EVC2: variants seen among roughly 807,000 people sequenced by gnomAD.
EVC2 encodes the protein EvC ciliary complex subunit 2.
In EVC2, 148 loss-of-function variants were observed where a neutral mutation model predicts 149.3. The observed-to-expected ratio is 0.99, with a 90% CI of 0.87 to 1.14. The LOEUF (loss-of-function observed/expected upper bound fraction) is 1.14. Ranked by LOEUF, EVC2 falls within the 50% of genes most tolerant of loss-of-function variation. The pLI, the probability that EVC2 is intolerant of heterozygous loss-of-function variation, is 0.00. For missense variants in EVC2, 1,854 were observed against 1,627.3 expected (o/e 1.14, Z -2.40); for synonymous variants, 776 against 649.9 (o/e 1.19, Z -2.95).
Position 5,708,547 on chromosome 4 carries a change from G to A in EVC2, c.-34C>T, listed in dbSNP as rs1200506993. The A allele has an allele frequency of 2.2e-6, 3 of 1,371,900 alleles. No individual in the cohort carries two copies. The highest frequency in any genetic ancestry group is 2.8e-6 in the Non-Finnish European group (3 of 1,058,190). 85.0% of individuals were successfully genotyped at this position (1,371,900 alleles called of 1,614,324 possible). A position where few individuals can be genotyped will look rare whatever the true frequency, so the allele number is the denominator to read the frequency against. ...GGGACCCGCTACCTCAAAGCGGCGG[G>A]TGCCGCCGAGTCGCTGGAGCTTCCG... On this transcript the variant is annotated 5_prime_UTR_variant, in exon 1 of 22. Coordinates refer to ENST00000344408, the MANE Select transcript of EVC2 (RefSeq NM_147127.5).
At chr4:5,642,710 C>T (rs1024826278) in intron 9 of EVC2, among the ~76,000 whole-genome samples, 1 of 152,216 alleles carries the variant, frequency 6.6e-6, no homozygotes, top group South Asian at 2.1e-4. Flanking sequence ...AGCCATACAC[C>T]AGGATCCTCA....
Position 5,613,627 on chromosome 4 carries a change from G to A in EVC2, c.2829+1795C>T, listed in dbSNP as rs1715019593. Reference sequence around the variant, plus strand: ...TGCTCTGCTTCCCTAGGGGTAGGCTGCCCCCCACAAGGAACCCCCTAGTGA... The same window carrying A: ...TGCTCTGCTTCCCTAGGGGTAGGCTACCCCCCACAAGGAACCCCCTAGTGA... On this transcript the variant is annotated intron_variant, in intron 16 of 21. Coordinates refer to ENST00000344408, the MANE Select transcript of EVC2 (RefSeq NM_147127.5). The surrounding 1 kb of genome is among the most constrained non-coding windows in gnomAD (Gnocchi z 4.6). 1.3e-5 allele frequency among the ~76,000 whole-genome samples: 2 copies of A among 152,020 alleles called. No individual in the cohort carries two copies. Among genetic ancestry groups the A allele is most frequent in the African/African-American group, 4.8e-5 (2 of 41,340 alleles).
At chr4:5,551,623 CTTTGGGGGACT>C (rs1437478322) in intron 21 of EVC2, among the ~76,000 whole-genome samples, 1 of 152,072 alleles carries the variant, frequency 6.6e-6, no homozygotes, top group Admixed American at 6.5e-5. Context: ...TGAGTTAAGA[CTTTGGGGGACT>C]TTTGGGAAGG....
intron 10 of EVC2, among the ~76,000 whole-genome samples, chr4:5,635,238 T>G (rs1716819147): frequency 6.6e-6 from 1 of 151,934 alleles, no homozygotes; most frequent in South Asian, 2.1e-4. Context: ...GATTTCACCA[T>G]GTTGGCCAGG....
chr4:5,542,955 G>T, intron 22 of EVC2: 2 of 373,232 alleles, frequency 5.4e-6, no homozygotes, highest in South Asian at 2.1e-5. Context: ...TCTCTGCCCT[G>T]CAATGTAAAC....
intron 21 of EVC2, among the ~76,000 whole-genome samples, chr4:5,554,043 A>G (rs1721787660): frequency 6.6e-6 from 1 of 152,224 alleles, no homozygotes; most frequent in African/African-American, 2.4e-5. Flanking sequence ...AAAAATAGGA[A>G]CATGACAGTG....
chr4:5,680,033 A>G (rs1720237794), intron 7 of EVC2, among the ~76,000 whole-genome samples: 1 of 152,178 alleles, frequency 6.6e-6, no homozygotes, highest in South Asian at 2.1e-4. Flanking sequence ...CATCAGGATC[A>G]TCAATATCAC....
chr4:5,587,780 G>A (rs1712424682), intron 16 of EVC2, among the ~76,000 whole-genome samples: 1 of 152,128 alleles, frequency 6.6e-6, no homozygotes, highest in South Asian at 2.1e-4. Flanking sequence ...TACGTGACTG[G>A]GGGCTGCATA....
At chr4:5,553,749 C>G (rs1356652703) in intron 21 of EVC2, among the ~76,000 whole-genome samples, 5 of 152,112 alleles carry the variant, frequency 3.3e-5, no homozygotes, top group African/African-American at 4.8e-5. Flanking sequence ...AAAAATAAAG[C>G]CTTACACAAT....
At chr4:5,558,749 G>C (rs1339918973), downstream of EVC2, among the ~76,000 whole-genome samples, 2 of 152,124 alleles carry the variant, frequency 1.3e-5, no homozygotes, top group Non-Finnish European at 2.9e-5. Context: ...AAAAGAAACT[G>C]CACATAAGTA....
At chr4:5,563,184 C>G (rs1368821763) in intron 21 of EVC2, 69 bp from the exon 22 acceptor site, 1 of 1,461,424 alleles carries the variant, frequency 6.8e-7, no homozygotes, top group Non-Finnish European at 9.5e-7. Context: ...TCTGAGTTCT[C>G]CAAGAGAATC....
chr4:5,613,829 T>C lies in EVC2; in HGVS notation c.2829+1593A>G, dbSNP rs184407573. Among the ~76,000 whole-genome samples the C allele has an allele frequency of 4.6e-5, 7 of 152,318 alleles. No homozygotes were observed. The East Asian group carries it at 9.7e-4, about 21-fold the overall frequency. ...ATTTCATATAGAACCTGGGTGAGAA[T>C]AGGGTTGCCACTTCCTGGATCCCTT... On this transcript the variant is annotated intron_variant, in intron 16 of 21. Transcript: ENST00000344408. The surrounding 1 kb of genome is among the most constrained non-coding windows in gnomAD (Gnocchi z 4.6).
At chr4:5,547,524 C>A (rs551601847) in intron 21 of EVC2, among the ~76,000 whole-genome samples, 2 of 152,162 alleles carry the variant, frequency 1.3e-5, no homozygotes, top group Non-Finnish European at 2.9e-5. Context: ...CCATTCATGG[C>A]CATCCATGGA....
intron 21 of EVC2, among the ~76,000 whole-genome samples, chr4:5,547,212 T>C (rs780492472): frequency 1.3e-5 from 2 of 152,234 alleles, no homozygotes; most frequent in Non-Finnish European, 2.9e-5. Context: ...CTTTGGGCGG[T>C]GCTGACATGC....
At chr4:5,653,589 A>G (rs1332845704) in intron 9 of EVC2, among the ~76,000 whole-genome samples, 1 of 152,206 alleles carries the variant, frequency 6.6e-6, no homozygotes, top group African/African-American at 2.4e-5. Flanking sequence ...TGGACAGAAA[A>G]GGGGCATTTG....
the EVC2 span, among the ~76,000 whole-genome samples, chr4:5,533,698 G>C: frequency 5.1e-3 from 778 of 152,316 alleles, 5 homozygotes; most frequent in African/African-American, 0.018. Flanking sequence ...TCGTTTGCTG[G>C]AGTCCATATT....
chr4:5,692,182 T>A (rs913751919), intron 3 of EVC2, among the ~76,000 whole-genome samples: 1 of 152,216 alleles, frequency 6.6e-6, no homozygotes, highest in Non-Finnish European at 1.5e-5. Context: ...ATGTTTTGTA[T>A]ATTTTTTATT....
At chr4:5,685,647 G>A (rs1409902664) in intron 5 of EVC2, among the ~76,000 whole-genome samples, 168 bp from the exon 6 acceptor site, 1 of 152,244 alleles carries the variant, frequency 6.6e-6, no homozygotes, top group Non-Finnish European at 1.5e-5. Context: ...ACACAGCTGG[G>A]TGTGGGGAGG....
intron 9 of EVC2, among the ~76,000 whole-genome samples, chr4:5,654,337 G>A (rs1160188777): frequency 1.3e-5 from 2 of 152,140 alleles, no homozygotes; most frequent in Non-Finnish European, 2.9e-5. Context: ...AGTTTTTGAG[G>A]GGTCTCTCAG....
Sources: gnomAD v4.1 joint callset for allele counts (sites outside exome capture counted in the v4.1 genomes callset) on GRCh38, gnomAD v4.1.1 for gene constraint, Gnocchi (gnomAD v3.1) non-coding constraint, MANE v1.5 for transcripts, NCBI Gene and HGNC (gene_info 2026-07-23, HGNC 2026-07-21) for gene names.